RORA: variants seen among roughly 807,000 people sequenced by gnomAD.
RORA encodes the protein RAR related orphan receptor A.
Under a neutral mutation model 69.5 loss-of-function variants are expected in RORA, and 7 were observed. The ratio of observed to expected loss-of-function variants is 0.10; its 90% CI spans 0.06 to 0.19. The LOEUF is 0.19. Among genes scored for constraint, RORA ranks in the 10% least tolerant of loss-of-function variants. The pLI is 1.00. For missense variants in RORA, 457 were observed against 663.0 expected (o/e 0.69, Z 3.41); for synonymous variants, 261 against 240.8 (o/e 1.08, Z -0.78).
intron 2 of RORA, among the ~76,000 whole-genome samples, chr15:60,632,081 G>C (rs1234269347): frequency 6.6e-6 from 1 of 151,282 alleles, no homozygotes. Flanking sequence ...TTTATGTGTA[G>C]TAGCTACTTA....
At chr15:60,979,347 C>T (rs1893971021) in intron 1 of RORA, among the ~76,000 whole-genome samples, 2 of 139,572 alleles carry the variant, frequency 1.4e-5, no homozygotes, top group Admixed American at 7.6e-5. Flanking sequence ...ATTTTAGGGT[C>T]AGCTTGAATT....
intron 1 of RORA, among the ~76,000 whole-genome samples, chr15:61,159,174 G>C (rs564940492): frequency 4.6e-5 from 7 of 152,218 alleles, no homozygotes; most frequent in African/African-American, 1.7e-4. Context: ...CTCCTACACA[G>C]AATGAAAGGG....
intron 1 of RORA, among the ~76,000 whole-genome samples, chr15:61,225,326 A>T (rs1224181812): frequency 1.3e-5 from 2 of 152,166 alleles, no homozygotes; most frequent in African/African-American, 4.8e-5. Flanking sequence ...CCATGTGAGG[A>T]AAGTTGATCT....
At chr15:60,876,411 T>C (rs976073881) in intron 1 of RORA, among the ~76,000 whole-genome samples, 7 of 151,866 alleles carry the variant, frequency 4.6e-5, no homozygotes, top group African/African-American at 1.5e-4. Context: ...CTGGGCCATA[T>C]TGGGCTTAAA....
rs62003287 is a variant in RORA, at chr15:60,551,798, A to G, written c.197-19947T>C. On this transcript the variant is annotated intron_variant, in intron 2 of 10. Transcript: ENST00000335670. ...TCAAGGCACCTGAGACTGAGAGGTA[A>G]AGTGACTGTCCTAAGGTTACCAAGC... Among the ~76,000 whole-genome samples, 1,361 of 152,356 alleles carry G rather than the reference A, an allele frequency of 8.9e-3. 17 individuals are homozygous for G. Among genetic ancestry groups the G allele is most frequent in the Middle Eastern group, 0.041 (12 of 294 alleles).
At chr15:60,978,671 T>C (rs1306619965) in intron 1 of RORA, among the ~76,000 whole-genome samples, 1 of 152,210 alleles carries the variant, frequency 6.6e-6, no homozygotes, top group African/African-American at 2.4e-5. Flanking sequence ...ATTTAAATCT[T>C]TCATCTATTT....
At chr15:60,902,422 T>A (rs1433484474) in intron 1 of RORA, among the ~76,000 whole-genome samples, 3 of 152,006 alleles carry the variant, frequency 2.0e-5, no homozygotes, top group Non-Finnish European at 4.4e-5. Flanking sequence ...CAAAAATGGG[T>A]TTGAAAAAAG....
intron 1 of RORA, among the ~76,000 whole-genome samples, chr15:61,196,824 T>C (rs1006334696): frequency 6.6e-6 from 1 of 152,234 alleles, no homozygotes; most frequent in African/African-American, 2.4e-5. Flanking sequence ...CAGTCACCCG[T>C]GCAGCGCATC....
chr15:60,719,856 G>T (rs901817247), intron 1 of RORA, among the ~76,000 whole-genome samples: 1 of 152,176 alleles, frequency 6.6e-6, no homozygotes, highest in African/African-American at 2.4e-5. Context: ...TTTGGGATGG[G>T]GGTGGAGGTT....
intron 1 of RORA, among the ~76,000 whole-genome samples, chr15:60,953,627 C>T (rs1462515328): frequency 1.7e-5 from 2 of 116,480 alleles, no homozygotes; most frequent in African/African-American, 7.2e-5. Context: ...AAAAAGTGGG[C>T]AAAGGACATG....
chr15:60,660,044 T>C (rs150304804), intron 2 of RORA, among the ~76,000 whole-genome samples: 15 of 152,318 alleles, frequency 9.8e-5, no homozygotes, highest in African/African-American at 3.6e-4. Flanking sequence ...AACCAATCAA[T>C]ATTCAAATTT....
chr15:61,060,254 T>A (rs547576008), intron 1 of RORA, among the ~76,000 whole-genome samples: 47 of 152,336 alleles, frequency 3.1e-4, no homozygotes, highest in Non-Finnish European at 4.4e-4. Flanking sequence ...CCTAGTATCC[T>A]GCTGGGCCAA....
At chr15:60,633,786 T>C (rs1332765886) in intron 2 of RORA, among the ~76,000 whole-genome samples, 1 of 152,234 alleles carries the variant, frequency 6.6e-6, no homozygotes, top group Admixed American at 6.5e-5. Flanking sequence ...AAAGGAACCA[T>C]GATGAAAATA....
chr15:60,724,363 A>G (rs2071330927), intron 1 of RORA, among the ~76,000 whole-genome samples: 1 of 152,170 alleles, frequency 6.6e-6, no homozygotes, highest in African/African-American at 2.4e-5. Context: ...TGTTACAATT[A>G]TTATCCCTAT....
chr15:60,769,079 T>G (rs909477713), intron 1 of RORA, among the ~76,000 whole-genome samples: 3 of 152,206 alleles, frequency 2.0e-5, no homozygotes, highest in African/African-American at 7.2e-5. Context: ...GACCACATTT[T>G]AGAACGATTT....
intron 1 of RORA, among the ~76,000 whole-genome samples, chr15:60,702,652 T>C (rs916996494): frequency 1.3e-5 from 2 of 152,252 alleles, no homozygotes; most frequent in African/African-American, 4.8e-5. Context: ...TTAATATTAA[T>C]GTTACCTAGC....
intron 2 of RORA, among the ~76,000 whole-genome samples, chr15:60,584,013 T>C (rs1477689516): frequency 6.6e-6 from 1 of 152,198 alleles, no homozygotes; most frequent in African/African-American, 2.4e-5. Flanking sequence ...CATTTATTTT[T>C]TAAATGCTTC....
chr15:60,883,781 A>G (rs1266587908), intron 1 of RORA, among the ~76,000 whole-genome samples: 1 of 152,248 alleles, frequency 6.6e-6, no homozygotes, highest in Non-Finnish European at 1.5e-5. Flanking sequence ...GAACTTAAGT[A>G]AAAAAGAAAA....
intron 1 of RORA, among the ~76,000 whole-genome samples, chr15:61,081,744 C>T (rs1595961645): frequency 6.7e-6 from 1 of 149,460 alleles, no homozygotes. Context: ...GGAGGCAGAG[C>T]TTGCAGTGAG....
Sources: gnomAD v4.1 joint callset for allele counts (sites outside exome capture counted in the v4.1 genomes callset) on GRCh38, gnomAD v4.1.1 for gene constraint, MANE v1.5 for transcripts, NCBI Gene and HGNC (gene_info 2026-07-23, HGNC 2026-07-21) for gene names.